Variants in TTC6 observed in about 807,000 individuals in gnomAD.
TTC6 encodes tetratricopeptide repeat protein 6.
Under a neutral mutation model 210.4 loss-of-function variants are expected in TTC6, and 172 were observed. That is an observed-to-expected ratio of 0.82 (90% CI 0.72 to 0.93). The LOEUF is 0.93. TTC6 is among the 40% of genes least tolerant of loss of function. The pLI, the probability that TTC6 is intolerant of heterozygous loss-of-function variation, is 0.00. For synonymous variants in TTC6, 804 were observed against 819.6 expected (o/e 0.98, Z 0.32); for missense variants, 2,414 against 2,318.1 (o/e 1.04, Z -0.85).
exon 30 of TTC6, chr14:37,841,546 A>T: frequency 6.2e-7 from 1 of 1,605,434 alleles, no homozygotes; most frequent in East Asian, 2.2e-5. Context: ...AATATGAAGA[A>T]GCAAAAGAAG....
chr14:37,665,499 T>G (rs1434489300), intron 1 of TTC6, among the ~76,000 whole-genome samples: 1 of 149,982 alleles, frequency 6.7e-6, no homozygotes, highest in Non-Finnish European at 1.5e-5. Context: ...AGCCAGTCAG[T>G]GGGTATGGCA....
intron 10 of TTC6, among the ~76,000 whole-genome samples, chr14:37,740,036 C>A (rs1451429681): frequency 6.6e-6 from 1 of 151,744 alleles, no homozygotes; most frequent in Non-Finnish European, 1.5e-5. Context: ...TGATGGTGGG[C>A]ACCTGTAGTC....
exon 21 of TTC6, chr14:37,804,768 T>C (rs749643040): frequency 4.3e-6 from 7 of 1,614,066 alleles, no homozygotes; most frequent in Non-Finnish European, 5.9e-6. Flanking sequence ...GCAGACTGTC[T>C]GTATAACTTG....
At chr14:37,821,799 AGATGGAG>A (rs2096158055) in intron 26 of TTC6, among the ~76,000 whole-genome samples, 1 of 55,036 alleles carries the variant, frequency 1.8e-5, no homozygotes, top group African/African-American at 1.1e-4. Context: ...TTTTTTTTTG[AGATGGAG>A]TTTCGCTTTT....
At chr14:37,642,474 A>G (rs2095693803) in intron 1 of TTC6, among the ~76,000 whole-genome samples, 1 of 152,128 alleles carries the variant, frequency 6.6e-6, no homozygotes, top group African/African-American at 2.4e-5. Context: ...TAAAAGATAA[A>G]ATCTTTATAT....
At chr14:37,597,682 A>T (rs1353940262) in intron 1 of TTC6, among the ~76,000 whole-genome samples, 2 of 152,206 alleles carry the variant, frequency 1.3e-5, no homozygotes, top group African/African-American at 4.8e-5. Flanking sequence ...GACTTGATCC[A>T]GGTCAGGGAT....
chr14:37,617,554 T>C (rs2095644739), upstream of TTC6, among the ~76,000 whole-genome samples: 1 of 152,160 alleles, frequency 6.6e-6, no homozygotes, highest in Non-Finnish European at 1.5e-5. Flanking sequence ...GTATAGAAAG[T>C]GCAGAAAAAT....
At chr14:37,632,649 C>T (rs2095672086) in intron 1 of TTC6, among the ~76,000 whole-genome samples, 2 of 152,200 alleles carry the variant, frequency 1.3e-5, no homozygotes, top group South Asian at 4.1e-4. Flanking sequence ...TTGTGCTGTA[C>T]TGGGAGATCT....
At chr14:37,842,498 A>G, downstream of TTC6, 1 of 390,136 alleles carries the variant, frequency 2.6e-6, no homozygotes, top group Non-Finnish European at 4.2e-6. Context: ...GAATACCTTG[A>G]GAACTGAATT....
intron 1 of TTC6, among the ~76,000 whole-genome samples, chr14:37,603,920 C>T (rs2095620421): frequency 6.6e-6 from 1 of 152,208 alleles, no homozygotes; most frequent in Non-Finnish European, 1.5e-5. Context: ...GTTTTCCCAA[C>T]TGTAAAATGG....
At chr14:37,613,979 T>G (rs1227279303) in intron 2 of TTC6, among the ~76,000 whole-genome samples, 1 of 152,034 alleles carries the variant, frequency 6.6e-6, no homozygotes, top group Non-Finnish European at 1.5e-5. Context: ...TATTTATTAT[T>G]TCCTTCCATT....
At chr14:37,672,642 T>C (rs943675969) in intron 1 of TTC6, among the ~76,000 whole-genome samples, 1 of 152,168 alleles carries the variant, frequency 6.6e-6, no homozygotes, top group Non-Finnish European at 1.5e-5. Context: ...GATTTCTCCA[T>C]AGCCTTCTGA....
rs200451625 is a variant in TTC6, at chr14:37,812,479, T to C, written c.4689+46T>C. 2.9e-4 allele frequency: 438 copies of C among 1,505,638 alleles called. 4 individuals carry two copies. The Middle Eastern group carries it at 0.016, about 56-fold the overall frequency. The allele number at this position is 1,505,638 out of a possible 1,614,324, so 93.3% of individuals were successfully genotyped here. On this transcript the variant is annotated intron_variant, in intron 25 of 30. Transcript: ENST00000553443. Reference sequence around the variant, plus strand: ...ACCCACTTGATTTTGCACATTGACTTCTGAGAACTAGTGAACAAGATTTTA... The same window carrying C: ...ACCCACTTGATTTTGCACATTGACTCCTGAGAACTAGTGAACAAGATTTTA...
intron 7 of TTC6, among the ~76,000 whole-genome samples, chr14:37,728,135 TG>T (rs2095877439): frequency 6.6e-6 from 1 of 151,546 alleles, no homozygotes; most frequent in East Asian, 2.0e-4. Context: ...GACTATATGG[TG>T]CATTGCTCGA....
At chr14:37,784,539 G>A (rs1399566615) in intron 14 of TTC6, among the ~76,000 whole-genome samples, 1 of 152,072 alleles carries the variant, frequency 6.6e-6, no homozygotes, top group African/African-American at 2.4e-5. Flanking sequence ...TGGGTCTCCT[G>A]AACACAGCAC....
chr14:37,604,937 C>A (rs1488441615), intron 1 of TTC6, among the ~76,000 whole-genome samples: 8 of 152,172 alleles, frequency 5.3e-5, no homozygotes, highest in Non-Finnish European at 1.2e-4. Context: ...TTGCTCTCTT[C>A]AAAAATTATT....
At chr14:37,665,784 ATATTTAGGGACTG>A (rs1315432146) in intron 1 of TTC6, among the ~76,000 whole-genome samples, 3 of 150,480 alleles carry the variant, frequency 2.0e-5, no homozygotes, top group Non-Finnish European at 3.0e-5. Context: ...TGTCTGCTTA[ATATTTAGGGACTG>A]TACCTCTCCT....
chr14:37,787,107 C>T (rs2096069537), intron 14 of TTC6, among the ~76,000 whole-genome samples: 1 of 152,002 alleles, frequency 6.6e-6, no homozygotes, highest in Non-Finnish European at 1.5e-5. Context: ...TTTTGCTTTT[C>T]TAGGAAGCAA....
exon 21 of TTC6, chr14:37,804,771 A>G (rs757891111): frequency 6.2e-7 from 1 of 1,614,130 alleles, no homozygotes; most frequent in South Asian, 1.1e-5. Flanking sequence ...GACTGTCTGT[A>G]TAACTTGGGT....
Sources: allele counts gnomAD v4.1 joint callset (sites outside exome capture counted in the v4.1 genomes callset), GRCh38; gene constraint gnomAD v4.1.1; transcripts MANE v1.5; gene names NCBI Gene and HGNC (gene_info 2026-07-23, HGNC 2026-07-21).